TNFAIP1: variants seen among roughly 807,000 people sequenced by gnomAD.
The protein encoded by TNFAIP1 is BTB/POZ domain-containing adapter for CUL3-mediated RhoA degradation protein 2.
A neutral mutation model predicts 32.6 loss-of-function variants in TNFAIP1; 20 were observed. That is an observed-to-expected ratio of 0.61 (90% CI 0.43 to 0.89). The LOEUF (loss-of-function observed/expected upper bound fraction) is 0.89, where lower values mean the gene tolerates loss of function less well. Ranked by LOEUF, TNFAIP1 falls within the 40% of genes least tolerant of loss-of-function variation. TNFAIP1 has a pLI of 0.00. For synonymous variants in TNFAIP1, 166 were observed against 166.8 expected, an observed-to-expected ratio of 1.00 and a Z score of 0.04; for missense variants, 319 against 425.1, an observed-to-expected ratio of 0.75 and a Z score of 2.20.
At chr17:28,337,305 A>G (rs1555577554) in intron 1 of TNFAIP1, among the ~76,000 whole-genome samples, 1 of 152,166 alleles carries the variant, frequency 6.6e-6, no homozygotes, top group Non-Finnish European at 1.5e-5. Flanking sequence ...CACCTTTGTT[A>G]TCATCTAACG....
intron 1 of TNFAIP1, among the ~76,000 whole-genome samples, chr17:28,338,617 C>T (rs557340837): frequency 6.6e-6 from 1 of 151,332 alleles, no homozygotes; most frequent in South Asian, 2.1e-4. Context: ...TAAACACTGG[C>T]ACAGACTGCT....
At position 28,339,538 on chromosome 17, in the gene TNFAIP1, G is replaced by C; in HGVS notation, c.17G>C (p.Cys6Ser). 6.2e-7 allele frequency: 1 copy of C among 1,605,912 alleles called. No homozygotes were observed. The highest frequency in any genetic ancestry group is 8.5e-7 in the Non-Finnish European group (1 of 1,175,084). MSGDT[C>S]LCPASGAKPK... ...CAGCGGGAGATGTCGGGGGACACCT[G>C]CCTGTGCCCAGCCTCAGGGGCCAAG... is the stretch of plus-strand genomic sequence containing the variant. Residue 6 changes from cysteine (C) to serine (S), a missense_variant, in exon 2 of 7, where the codon TGC becomes TCC. Physicochemically the swap from Cys to Ser is moderately radical, Grantham distance 112. Coordinates refer to ENST00000226225, the MANE Select transcript of TNFAIP1 (RefSeq NM_021137.5).
chr17:28,339,681 A>G lies in TNFAIP1; in HGVS notation c.160A>G (p.Lys54Glu), dbSNP rs1277768662. The change falls in exon 2 of 7, where the codon AAG (lysine) becomes GAG (glutamate). Residue 54 changes from lysine to glutamate, a missense_variant. Coordinates refer to ENST00000226225, the MANE Select transcript of TNFAIP1 (RefSeq NM_021137.5). ...RALTRHDTML[K>E]AMFSGRMEVL... ...CCTGACCCGCCACGACACCATGCTC[A>G]AGGCCATGTTCAGTGGGCGCATGGA... 3 of 1,613,984 alleles carry G rather than the reference A, an allele frequency of 1.9e-6. No individual in the cohort carries two copies. The highest frequency in any genetic ancestry group is 1.3e-5 in the African/African-American group (1 of 74,920).
intron 1 of TNFAIP1, among the ~76,000 whole-genome samples, chr17:28,338,214 T>C (rs1304349672): frequency 6.6e-6 from 1 of 152,154 alleles, no homozygotes; most frequent in Non-Finnish European, 1.5e-5. Context: ...CAAGAGATCC[T>C]CCCACCTCGG....
At chr17:28,338,035 C>T (rs567055635) in intron 1 of TNFAIP1, among the ~76,000 whole-genome samples, 3 of 152,316 alleles carry the variant, frequency 2.0e-5, no homozygotes, top group African/African-American at 7.2e-5. Context: ...TATGATGCTT[C>T]TTTGAACTGT....
At chr17:28,337,993 T>C (rs538399173) in intron 1 of TNFAIP1, among the ~76,000 whole-genome samples, 84 of 152,242 alleles carry the variant, frequency 5.5e-4, no homozygotes, top group Non-Finnish European at 9.1e-4. Flanking sequence ...GTACAATAAA[T>C]GCTAGCTTTC....
chr17:28,342,488 C>G lies in TNFAIP1; in HGVS notation c.714+46C>G. ...CTGGGTAGGGGAGGACACACACCCA[C>G]TGTGCGGGGGACGTGGTCGGGCTGT... On this transcript the variant is annotated intron_variant, in intron 6 of 6. Coordinates refer to ENST00000226225, the MANE Select transcript of TNFAIP1 (RefSeq NM_021137.5). This position sits in a 1 kb window ranked among gnomAD's most constrained non-coding sequence, Gnocchi z 4.0. The G allele has an allele frequency of 2.0e-6, 3 of 1,531,202 alleles. No homozygotes were observed. The highest frequency in any genetic ancestry group is 2.7e-6 in the Non-Finnish European group (3 of 1,122,638). The allele number at this position is 1,531,202 out of a possible 1,614,324, so 94.9% of individuals were successfully genotyped here. A position where few individuals can be genotyped will look rare whatever the true frequency, so the allele number is the denominator to read the frequency against.
intron 3 of TNFAIP1, 120 bp from the exon 4 acceptor site, chr17:28,341,117 G>A: frequency 1.9e-6 from 2 of 1,038,964 alleles, no homozygotes; most frequent in South Asian, 2.7e-5. Flanking sequence ...CTCATGATCT[G>A]TATCTGACAC....
chr17:28,346,202 C>G lies in TNFAIP1; in HGVS notation c.*1602C>G, dbSNP rs1907555517. On this transcript the variant is annotated 3_prime_UTR_variant, in exon 7 of 7. Coordinates refer to ENST00000226225, the MANE Select transcript of TNFAIP1 (RefSeq NM_021137.5). Reference sequence around the variant, plus strand: ...TTAGGCATTTTATGTTAGTCACAGTCTTGAATGTATAAACAGCACTAAGAC... The same window carrying G: ...TTAGGCATTTTATGTTAGTCACAGTGTTGAATGTATAAACAGCACTAAGAC... 1 of 152,206 alleles carries G rather than the reference C, an allele frequency of 6.6e-6. No homozygotes were observed. The highest frequency in any genetic ancestry group is 6.5e-5 in the Admixed American group (1 of 15,274). The allele number at this position is 152,206 out of a possible 1,614,324, so 9.4% of individuals were successfully genotyped here.
rs368681613 is a variant in TNFAIP1, at chr17:28,341,466, G to A, written c.518+10G>A. On this transcript the variant is annotated intron_variant, in intron 5 of 6. Transcript: ENST00000226225. ...AGTATTCCTACACCAGGTAGGGTGC[G>A]TCACAGGGCTCAACAGACACTGGGC... is the stretch of plus-strand genomic sequence containing the variant. 109 of 1,613,868 alleles carry A rather than the reference G, an allele frequency of 6.8e-5. No homozygotes were observed. In the African/African-American group the frequency reaches 1.0e-3, roughly 15 times the overall value.
In TNFAIP1 at chr17:28,345,501, C is replaced by G. The variant is rs1250109124; in HGVS notation, c.*901C>G. The G allele has an allele frequency of 2.6e-5, 4 of 152,296 alleles. No individual in the cohort carries two copies. The highest frequency in any genetic ancestry group is 5.9e-5 in the Non-Finnish European group (4 of 68,046). The allele number at this position is 152,296 out of a possible 1,614,324, so 9.4% of individuals were successfully genotyped here. Reference sequence around the variant, plus strand: ...TGCTCTTTGTGATTCTCTTGAGTACCCTTGGCTTCCAGCCATGCTGTCCTC... The same window carrying G: ...TGCTCTTTGTGATTCTCTTGAGTACGCTTGGCTTCCAGCCATGCTGTCCTC... On this transcript the variant is annotated 3_prime_UTR_variant, in exon 7 of 7. Transcript: ENST00000226225.
rs1907330969 is a variant in TNFAIP1, at chr17:28,340,634, A to G, written c.375+156A>G. Among the ~76,000 whole-genome samples, 1 of 152,026 alleles carries G rather than the reference A, an allele frequency of 6.6e-6. No homozygotes were observed. Among genetic ancestry groups the G allele is most frequent in the Non-Finnish European group, 1.5e-5 (1 of 67,986 alleles). ...AGTGAGATGCCACCCAGGCCCACCA[A>G]CCTGGCAGCCAGGTGTTCACACTTG... On this transcript the variant is annotated intron_variant, in intron 3 of 6. Transcript: ENST00000226225. This position sits in a 1 kb window ranked among gnomAD's most constrained non-coding sequence, Gnocchi z 4.1.
chr17:28,339,290 C>T, intron 1 of TNFAIP1, 118 bp from the exon 2 acceptor site: 2 of 398,756 alleles, frequency 5.0e-6, no homozygotes, highest in Non-Finnish European at 8.8e-6. Context: ...TTAGCCTCTG[C>T]CAGGGAGCAG....
rs1907589491 is a variant in TNFAIP1 at position 28,346,838 on chromosome 17, G to T, written c.*2238G>T. 6.6e-6 allele frequency: 1 copy of T among 152,218 alleles called. No homozygotes were observed. The highest frequency in any genetic ancestry group is 2.1e-4 in the South Asian group (1 of 4,832). The allele number at this position is 152,218 out of a possible 1,614,324, so 9.4% of individuals were successfully genotyped here. A position where few individuals can be genotyped will look rare whatever the true frequency, so the allele number is the denominator to read the frequency against. ...CTGGCAGCCTGCTGTTAACAACACA[G>T]GCCAGTATTGGGTTTTATTGAATTT... On this transcript the variant is annotated 3_prime_UTR_variant, in exon 7 of 7. Coordinates refer to ENST00000226225, the MANE Select transcript of TNFAIP1 (RefSeq NM_021137.5).
intron 6 of TNFAIP1, 24 bp from the exon 7 acceptor site, chr17:28,344,340 C>T (rs1555578578): frequency 6.2e-7 from 1 of 1,602,014 alleles, no homozygotes; most frequent in South Asian, 1.1e-5. Context: ...AACCTTGCTC[C>T]ACCTTCTTCC....
chr17:28,346,596 G>A lies in TNFAIP1; in HGVS notation c.*1996G>A, dbSNP rs1907576626. ...CTTCTCTGACTGAAAATCTCTCCTT[G>A]GTCTTAAGGAAAATACTAACATTGA... On this transcript the variant is annotated 3_prime_UTR_variant, in exon 7 of 7. Coordinates refer to ENST00000226225, the MANE Select transcript of TNFAIP1 (RefSeq NM_021137.5). 1 of 152,084 alleles carries A rather than the reference G, an allele frequency of 6.6e-6. No homozygotes were observed. The highest frequency in any genetic ancestry group is 1.5e-5 in the Non-Finnish European group (1 of 68,034). 9.4% of individuals were successfully genotyped at this position (152,084 alleles called of 1,614,324 possible).
intron 5 of TNFAIP1, 107 bp downstream of exon 5, chr17:28,341,563 G>A: frequency 2.3e-6 from 3 of 1,279,096 alleles, no homozygotes; most frequent in Admixed American, 1.9e-5. Context: ...CTTGGAACTG[G>A]CTGTGCCAAG....
chr17:28,341,529 G>T, intron 5 of TNFAIP1, 73 bp downstream of exon 5: 1 of 1,550,514 alleles, frequency 6.4e-7, no homozygotes, highest in Admixed American at 1.7e-5. Context: ...TCCCAGCACG[G>T]TCGGCGTGGG....
At position 28,342,995 on chromosome 17, in the gene TNFAIP1, T is replaced by G. The variant is rs1319283508; in HGVS notation, c.714+553T>G. ...TTCAAGACCACCCTGGACAACATGG[T>G]GAAACCCCGTCTTTACAAAAAATAG... On this transcript the variant is annotated intron_variant, in intron 6 of 6. Transcript: ENST00000226225. This position sits in a 1 kb window ranked among gnomAD's most constrained non-coding sequence, Gnocchi z 4.0. 6.6e-6 allele frequency among the ~76,000 whole-genome samples: 1 copy of G among 151,972 alleles called. No individual in the cohort carries two copies. Among genetic ancestry groups the G allele is most frequent in the East Asian group, 1.9e-4 (1 of 5,182 alleles).
Sources: gnomAD v4.1 joint callset for allele counts (sites outside exome capture counted in the v4.1 genomes callset) on GRCh38, gnomAD v4.1.1 for gene constraint, Gnocchi (gnomAD v3.1) non-coding constraint, MANE v1.5 for transcripts, NCBI Gene and HGNC (gene_info 2026-07-23, HGNC 2026-07-21) for gene names.